The following FMO2 variants were observed in gnomAD, a reference collection of about 807,000 sequenced individuals.
FMO2 encodes the protein flavin-containing monooxygenase 2.
In FMO2, 33 loss-of-function variants were observed where a neutral mutation model predicts 41.6. The observed-to-expected ratio is 0.79, with a 90% confidence interval of 0.60 to 1.06. FMO2 has a LOEUF of 1.06. Among genes scored for constraint, FMO2 ranks in the 50% least tolerant of loss-of-function variants. The pLI, the probability that FMO2 is intolerant of heterozygous loss-of-function variation, is 0.00. For missense variants in FMO2, 619 were observed against 632.9 expected (o/e 0.98, Z 0.23); for synonymous variants, 214 against 219.6 (o/e 0.97, Z 0.23).
In FMO2 at chr1:171,209,164, C is replaced by G. The variant is rs1658881295; in HGVS notation, c.*19C>G. ...GTCCTAGTCAGCATAATGCTTTGGG[C>G]TTTATTATCTTGTCAGTCACTACCT... On this transcript the variant is annotated 3_prime_UTR_variant, in exon 9 of 9. Transcript: ENST00000209929. 3 of 431,554 alleles carry G rather than the reference C, an allele frequency of 7.0e-6. No individual in the cohort carries two copies. The highest frequency in any genetic ancestry group is 8.2e-5 in the Admixed American group (2 of 24,290). 26.7% of individuals were successfully genotyped at this position (431,554 alleles called of 1,614,324 possible).
chr1:171,188,238 A>G (rs1247585215), intron 2 of FMO2, among the ~76,000 whole-genome samples: 2 of 152,116 alleles, frequency 1.3e-5, no homozygotes, highest in African/African-American at 2.4e-5. Context: ...TGCCAACAAT[A>G]TGATTTGATG....
rs111487712 is a variant in FMO2, at chr1:171,200,845, C to G, written c.627+1357C>G. Among the ~76,000 whole-genome samples the G allele has an allele frequency of 1.4e-4, 21 of 152,272 alleles. 1 individual carries two copies. Among genetic ancestry groups the G allele is most frequent in the African/African-American group, 5.1e-4 (21 of 41,552 alleles). On this transcript the variant is annotated intron_variant, in intron 5 of 8. Coordinates refer to ENST00000209929, the MANE Select transcript of FMO2 (RefSeq NM_001460.5). ...GGAAAATGAGAGTACCAGCTCTAGG[C>G]TCTTTCATGCTAGGAATACCCGCAA...
At chr1:171,203,111 G>A (rs763678423) in intron 5 of FMO2, among the ~76,000 whole-genome samples, 14 of 152,020 alleles carry the variant, frequency 9.2e-5, no homozygotes, top group Admixed American at 1.3e-4. Context: ...GGGAGGCTGC[G>A]GCAGGAGGAT....
Position 171,205,504 on chromosome 1 carries a change from A to C in FMO2, c.1053A>C (p.Ser351=). Residue 351 remains serine (S), a synonymous_variant, in exon 7 of 9, where the codon TCA becomes TCC. Coordinates refer to ENST00000209929, the MANE Select transcript of FMO2 (RefSeq NM_001460.5). Reference sequence around the variant, plus strand: ...TTAAAGTAGAGAATAATATGGTCTCACTGTATAAATACATATTCCCCGCTC... The same window carrying C: ...TTAAAGTAGAGAATAATATGGTCTCCCTGTATAAATACATATTCCCCGCTC... ...SLVKVENNMV[S]LYKYIFPAHL... is the part of the protein sequence containing the mutation. 1 of 1,613,886 alleles carries C rather than the reference A, an allele frequency of 6.2e-7. No individual in the cohort carries two copies. Among genetic ancestry groups the C allele is most frequent in the South Asian group, 1.1e-5 (1 of 91,076 alleles).
chr1:171,194,485 T>C (rs1658222473), intron 3 of FMO2, among the ~76,000 whole-genome samples: 1 of 152,208 alleles, frequency 6.6e-6, no homozygotes, highest in South Asian at 2.1e-4. Context: ...TGGCCAGGTA[T>C]GGTGATTCAT....
Position 171,209,117 on chromosome 1 carries a change from C to T in FMO2, c.1580C>T (p.Ala527Val), listed in dbSNP as rs1435309932. Residue 527 changes from alanine to valine, a missense_variant, in exon 9 of 9, where the codon GCC (alanine) becomes GTC (valine). Physicochemically the swap from Ala to Val is moderately conservative, Grantham distance 64 (BLOSUM62 0). Coordinates refer to ENST00000209929, the MANE Select transcript of FMO2 (RefSeq NM_001460.5). ...CTGGGCCTTCTTGCTGTTGTTGTGG[C>T]CTTTTTTTGCCAACTTCAATGGTCC... ...KILGLLAVVV[A>V]FFCQLQWS The T allele has an allele frequency of 2.9e-6, 2 of 696,686 alleles. No individual in the cohort carries two copies. The highest frequency in any genetic ancestry group is 2.9e-5 in the Admixed American group (1 of 33,976). The allele number at this position is 696,686 out of a possible 1,614,324, so 43.2% of individuals were successfully genotyped here.
chr1:171,193,689 T>G (rs976515526), intron 3 of FMO2, among the ~76,000 whole-genome samples, 166 bp downstream of exon 3: 2 of 152,202 alleles, frequency 1.3e-5, no homozygotes, highest in Non-Finnish European at 2.9e-5. Context: ...GTCATTACCC[T>G]TGGTATTATA....
At chr1:171,198,557 A>C (rs1043857650) in intron 4 of FMO2, among the ~76,000 whole-genome samples, 1 of 151,690 alleles carries the variant, frequency 6.6e-6, no homozygotes, top group Non-Finnish European at 1.5e-5. Flanking sequence ...TGGGATTACA[A>C]GTGCACGACC....
In FMO2 at chr1:171,199,056, C is replaced by A. The variant is rs1037220873; in HGVS notation, c.485-290C>A. Among the ~76,000 whole-genome samples the A allele has an allele frequency of 3.9e-5, 6 of 152,168 alleles. No individual in the cohort carries two copies. In the South Asian group the frequency reaches 1.2e-3, roughly 32 times the overall value. On this transcript the variant is annotated intron_variant, in intron 4 of 8. Transcript: ENST00000209929. ...TAGCTGGGACCACAGGCATGCACAA[C>A]CATGCCCAGCTAATTTTTGTATTTT...
At chr1:171,197,921 C>G (rs1658367772) in intron 4 of FMO2, among the ~76,000 whole-genome samples, 1 of 152,212 alleles carries the variant, frequency 6.6e-6, no homozygotes, top group Non-Finnish European at 1.5e-5. Flanking sequence ...ACTTCTCAGC[C>G]TCCACAATTG....
At chr1:171,202,086 G>A (rs1658563013) in intron 5 of FMO2, among the ~76,000 whole-genome samples, 2 of 152,142 alleles carry the variant, frequency 1.3e-5, no homozygotes, top group Admixed American at 1.3e-4. Flanking sequence ...AAAGCAGCCT[G>A]AGCCTAAATC....
Position 171,209,621 on chromosome 1 carries a change from G to C in FMO2, c.*476G>C, listed in dbSNP as rs1385313236. ...AGGTCATGTTTCATTTGCTCAGTCG[G>C]GGATCACTCAAAACTACTAGACAAA... On this transcript the variant is annotated 3_prime_UTR_variant, in exon 9 of 9. Transcript: ENST00000209929. 6.6e-6 allele frequency: 1 copy of C among 152,250 alleles called. No individual in the cohort carries two copies. The highest frequency in any genetic ancestry group is 1.5e-5 in the Non-Finnish European group (1 of 68,168). The allele number at this position is 152,250 out of a possible 1,614,324, so 9.4% of individuals were successfully genotyped here. A position where few individuals can be genotyped will look rare whatever the true frequency, so the allele number is the denominator to read the frequency against.
intron 7 of FMO2, among the ~76,000 whole-genome samples, chr1:171,206,720 C>CAGAT (rs899567907): frequency 6.6e-6 from 1 of 152,154 alleles, no homozygotes; most frequent in African/African-American, 2.4e-5. Context: ...ATTTACACTT[C>CAGAT]AGATAGATTG....
At chr1:171,191,280 C>T (rs1022352238) in intron 2 of FMO2, among the ~76,000 whole-genome samples, 1 of 152,188 alleles carries the variant, frequency 6.6e-6, no homozygotes, top group Non-Finnish European at 1.5e-5. Flanking sequence ...GGGCCTCAGA[C>T]ATCAAATCAG....
At chr1:171,187,042 G>A (rs1393426067) in intron 2 of FMO2, among the ~76,000 whole-genome samples, 1 of 152,206 alleles carries the variant, frequency 6.6e-6, no homozygotes, top group Non-Finnish European at 1.5e-5. Context: ...TTTTATAGAT[G>A]AGCAAACTGA....
chr1:171,191,014 G>A (rs747185178), intron 2 of FMO2, among the ~76,000 whole-genome samples: 3 of 151,840 alleles, frequency 2.0e-5, no homozygotes, highest in Non-Finnish European at 4.4e-5. Flanking sequence ...GCATGGTGGC[G>A]CATACCTGTA....
Position 171,207,784 on chromosome 1 carries a change from T to C in FMO2, c.1250T>C (p.Ile417Thr), listed in dbSNP as rs148746698. Reference protein sequence around the residue: ...MDIIKRNEKRIDLFGESQSQT... With the variant: ...MDIIKRNEKRTDLFGESQSQT... ...ATTATCAAAAGGAATGAAAAAAGAA[T>C]TGACCTGTAAGAATTTTTTTTAATT... is the stretch of plus-strand genomic sequence containing the variant. Residue 417 changes from isoleucine (I) to threonine (T), a missense_variant, in exon 8 of 9, where the codon ATT becomes ACT. Ile to Thr is a moderately conservative substitution (Grantham distance 89). Coordinates refer to ENST00000209929, the MANE Select transcript of FMO2 (RefSeq NM_001460.5). 38 of 1,594,678 alleles carry C rather than the reference T, an allele frequency of 2.4e-5. No individual in the cohort carries two copies. The highest frequency in any genetic ancestry group is 3.2e-5 in the Non-Finnish European group (37 of 1,163,332).
intron 8 of FMO2, 123 bp from the exon 9 acceptor site, chr1:171,208,671 A>G: frequency 1.1e-6 from 1 of 870,874 alleles, no homozygotes; most frequent in Non-Finnish European, 1.8e-6. Flanking sequence ...TCCACCAGAG[A>G]TTCATTGAAA....
Position 171,207,774 on chromosome 1 carries a change from GA to G in FMO2, c.1246del (p.Arg416GlufsTer26). The G allele has an allele frequency of 6.2e-7, 1 of 1,602,036 alleles. No individual in the cohort carries two copies. The highest frequency in any genetic ancestry group is 8.5e-7 in the Non-Finnish European group (1 of 1,170,808). On this transcript the variant is annotated frameshift_variant, in exon 8 of 9. Transcript: ENST00000209929. LOFTEE classifies it low-confidence loss of function (END_TRUNC). ...GATGATGGACATTATCAAAAGGAAT[GA>G]AAAAAGAATTGACCTGTAAGAATTT... ...TMMMDIIKRN[E>X]KRIDLFGESQ...
Sources: gnomAD v4.1 joint callset for allele counts (sites outside exome capture counted in the v4.1 genomes callset) on GRCh38, gnomAD v4.1.1 for gene constraint, MANE v1.5 for transcripts, NCBI Gene and HGNC (gene_info 2026-07-23, HGNC 2026-07-21) for gene names.